The following EIF2AK1 variants were observed in gnomAD, a reference collection of about 807,000 sequenced individuals.
EIF2AK1 encodes eukaryotic translation initiation factor 2 alpha kinase 1, also known as eukaryotic translation initiation factor 2-alpha kinase 1.
A neutral mutation model predicts 77.9 loss-of-function variants in EIF2AK1; 54 were observed. That is an observed-to-expected ratio of 0.69 (90% CI 0.56 to 0.87). The LOEUF (loss-of-function observed/expected upper bound fraction) is 0.87, where lower values mean the gene tolerates loss of function less well. Ranked by LOEUF, EIF2AK1 falls within the 40% of genes least tolerant of loss-of-function variation. The pLI is 0.00. For missense variants in EIF2AK1, 810 were observed against 768.6 expected, an observed-to-expected ratio of 1.05 and a Z score of -0.64; for synonymous variants, 314 against 290.5, an observed-to-expected ratio of 1.08 and a Z score of -0.82.
intron 4 of EIF2AK1, chr7:6,047,672 CA>C (rs55810408): frequency 0.61 from 88,724 of 144,562 alleles, 26,779 homozygotes; most frequent in African/African-American, 0.71. Context: ...GACTCTGTCT[CA>C]AAAAAAAAAA....
In EIF2AK1 at chr7:6,024,057, TC is replaced by T; in HGVS notation, c.*615del. 7.6e-7 allele frequency: 1 copy of T among 1,308,228 alleles called. No homozygotes were observed. Among genetic ancestry groups the T allele is most frequent in the Non-Finnish European group, 1.0e-6 (1 of 1,002,220 alleles). The allele number at this position is 1,308,228 out of a possible 1,614,324, so 81.0% of individuals were successfully genotyped here. A position where few individuals can be genotyped will look rare whatever the true frequency, so the allele number is the denominator to read the frequency against. On this transcript the variant is annotated 3_prime_UTR_variant, in exon 15 of 15. Coordinates refer to ENST00000199389, the MANE Select transcript of EIF2AK1 (RefSeq NM_014413.4). Reference sequence around the variant, plus strand: ...GAAAGAGATCTGAGCTGCCTGGAGATCATCTGGGGTGCGGAGTACAAAGCTT... The same window carrying T: ...GAAAGAGATCTGAGCTGCCTGGAGATATCTGGGGTGCGGAGTACAAAGCTT...
chr7:6,044,770 T>C lies in EIF2AK1; in HGVS notation c.631-109A>G, dbSNP rs1402293374. 5.9e-6 allele frequency: 5 copies of C among 846,944 alleles called. No individual in the cohort carries two copies. In the African/African-American group the frequency reaches 6.8e-5, roughly 12 times the overall value. 52.5% of individuals were successfully genotyped at this position (846,944 alleles called of 1,614,324 possible). ...ACAGATGGCCCCTGACTTACAATGG[T>C]ATGAAGACATCACAATTTTTGACAT... On this transcript the variant is annotated intron_variant, in intron 6 of 14. Coordinates refer to ENST00000199389, the MANE Select transcript of EIF2AK1 (RefSeq NM_014413.4).
At chr7:6,049,721 GC>G in intron 3 of EIF2AK1, 190 bp downstream of exon 3, 1 of 497,384 alleles carries the variant, frequency 2.0e-6, no homozygotes. Flanking sequence ...TGAACTCCTG[GC>G]CTCAAATGAT....
intron 7 of EIF2AK1, among the ~76,000 whole-genome samples, chr7:6,044,122 A>G (rs188770397): frequency 2.0e-5 from 3 of 152,026 alleles, no homozygotes; most frequent in African/African-American, 7.2e-5. Flanking sequence ...GAAAAAAATA[A>G]TTTCACATAA....
At chr7:6,045,177 G>A (rs2128890177) in intron 6 of EIF2AK1, among the ~76,000 whole-genome samples, 1 of 150,118 alleles carries the variant, frequency 6.7e-6, no homozygotes, top group South Asian at 2.1e-4. Flanking sequence ...ATGCCATCTT[G>A]GCTCACTGCA....
At chr7:6,055,973 ACT>A (rs1277832808) in intron 1 of EIF2AK1, among the ~76,000 whole-genome samples, 1 of 104,980 alleles carries the variant, frequency 9.5e-6, no homozygotes, top group Non-Finnish European at 1.8e-5. Flanking sequence ...ACAAAGTGAA[ACT>A]CTGTCTCAAA....
chr7:6,032,057 T>A lies in EIF2AK1; in HGVS notation c.1333-3025A>T, dbSNP rs910286119. Among the ~76,000 whole-genome samples, 3 of 151,974 alleles carry A rather than the reference T, an allele frequency of 2.0e-5. No homozygotes were observed. Among genetic ancestry groups the A allele is most frequent in the African/African-American group, 7.3e-5 (3 of 41,378 alleles). Reference sequence around the variant, plus strand: ...GGCTTGGTGGCAGGAGCCTGTAATCTCAGCTACTCGGACGGCTGAGGCAGG... The same window carrying A: ...GGCTTGGTGGCAGGAGCCTGTAATCACAGCTACTCGGACGGCTGAGGCAGG... On this transcript the variant is annotated intron_variant, in intron 11 of 14. Coordinates refer to ENST00000199389, the MANE Select transcript of EIF2AK1 (RefSeq NM_014413.4). This position sits in a 1 kb window ranked among gnomAD's most constrained non-coding sequence, Gnocchi z 4.3.
At position 6,034,875 on chromosome 7, in the gene EIF2AK1, C is replaced by T. The variant is rs143038214; in HGVS notation, c.1332+2549G>A. 4.0e-3 allele frequency among the ~76,000 whole-genome samples: 610 copies of T among 152,280 alleles called. 12 individuals carry two copies. The highest frequency in any genetic ancestry group is 0.015 in the East Asian group (76 of 5,176). On this transcript the variant is annotated intron_variant, in intron 11 of 14. Coordinates refer to ENST00000199389, the MANE Select transcript of EIF2AK1 (RefSeq NM_014413.4). Reference sequence around the variant, plus strand: ...GACCACAGGTCTTCAGATTCAACCCCTGTCACTTCTGCTCCCTACACACTC... The same window carrying T: ...GACCACAGGTCTTCAGATTCAACCCTTGTCACTTCTGCTCCCTACACACTC...
chr7:6,023,496 C>A lies in EIF2AK1; in HGVS notation c.*1177G>T. 6.2e-7 allele frequency: 1 copy of A among 1,614,180 alleles called. No homozygotes were observed. The highest frequency in any genetic ancestry group is 8.5e-7 in the Non-Finnish European group (1 of 1,180,004). On this transcript the variant is annotated 3_prime_UTR_variant, in exon 15 of 15. Coordinates refer to ENST00000199389, the MANE Select transcript of EIF2AK1 (RefSeq NM_014413.4). ...GCAGTAAAGAAAAAGCCGCTGTTTTCCGCTCCATGAACTCTGCTCTTGGGA... is the reference window on the plus strand; with the variant it reads ...GCAGTAAAGAAAAAGCCGCTGTTTTACGCTCCATGAACTCTGCTCTTGGGA...
chr7:6,057,708 A>G (rs1583504493), intron 1 of EIF2AK1: 1 of 154,946 alleles, frequency 6.5e-6, no homozygotes, highest in African/African-American at 2.4e-5. Flanking sequence ...GCTCACTTCA[A>G]CCTCTGCCTC....
intron 7 of EIF2AK1, among the ~76,000 whole-genome samples, chr7:6,043,928 G>A (rs1244352260): frequency 2.0e-5 from 3 of 151,494 alleles, no homozygotes; most frequent in Non-Finnish European, 2.9e-5. Context: ...GTGAAACCCT[G>A]TCTGTACTAA....
At position 6,026,812 on chromosome 7, in the gene EIF2AK1, G is replaced by C. The variant is rs1787759816; in HGVS notation, c.1680C>G (p.Ile560Met). Reference sequence around the variant, plus strand: ...ATGAGTTCCTTCTCGTTAAGTGCTGGATATACTTGGCTTGCACTGGACACC... The same window carrying C: ...ATGAGTTCCTTCTCGTTAAGTGCTGCATATACTTGGCTTGCACTGGACACC... ...RKRCPVQAKY[I>M]QHLTRRNSSQ... is the part of the protein sequence containing the mutation. The change falls in exon 14 of 15, where the codon ATC (isoleucine) becomes ATG (methionine). Residue 560 changes from isoleucine (I) to methionine (M), a missense_variant. Physicochemically the swap from Ile to Met is conservative, Grantham distance 10 (BLOSUM62 1). Around this residue, in one of 3 missense-constraint regions of EIF2AK1, gnomAD observed 549 missense variants for 533.7 expected, o/e 1.03. Transcript: ENST00000199389. The C allele has an allele frequency of 1.2e-6, 2 of 1,614,042 alleles. No individual in the cohort carries two copies. The highest frequency in any genetic ancestry group is 1.1e-5 in the South Asian group (1 of 91,084).
At chr7:6,056,613 A>AAAAAAAAAAAAT in intron 1 of EIF2AK1, among the ~76,000 whole-genome samples, 2 of 43,736 alleles carry the variant, frequency 4.6e-5, no homozygotes, top group Non-Finnish European at 4.7e-5. Context: ...AAAAAAAAAA[A>AAAAAAAAAAAAT]ATATATATAT....
intron 9 of EIF2AK1, among the ~76,000 whole-genome samples, chr7:6,039,621 C>CAA (rs767158374): frequency 0.028 from 1,388 of 48,924 alleles, 60 homozygotes; most frequent in African/African-American, 0.04. Flanking sequence ...ACTCCATCTC[C>CAA]AAAAAAAAAA....
At chr7:6,047,978 C>T (rs1788494306) in intron 4 of EIF2AK1, 2 of 152,242 alleles carry the variant, frequency 1.3e-5, no homozygotes, top group South Asian at 4.1e-4. Flanking sequence ...CGTCTTGCCT[C>T]AGCCTCCCAA....
chr7:6,051,311 G>A (rs545301924), intron 2 of EIF2AK1, among the ~76,000 whole-genome samples: 87 of 137,710 alleles, frequency 6.3e-4, no homozygotes, highest in African/African-American at 2.0e-3. Context: ...TCACTCTGTC[G>A]CCCAGGCTGG....
At chr7:6,044,728 T>C in intron 6 of EIF2AK1, 67 bp from the exon 7 acceptor site, 1 of 1,395,770 alleles carries the variant, frequency 7.2e-7, no homozygotes, top group Non-Finnish European at 1.0e-6. Context: ...GCAATACTTC[T>C]TGTTCCAGAG....
chr7:6,049,597 C>A (rs1332705133), intron 3 of EIF2AK1, among the ~76,000 whole-genome samples: 1 of 150,966 alleles, frequency 6.6e-6, no homozygotes, highest in East Asian at 1.9e-4. Flanking sequence ...GATCCCAGTC[C>A]ATCTGTGGCC....
rs538970134 is a variant in EIF2AK1 at position 6,035,507 on chromosome 7, G to C, written c.1332+1917C>G. ...TGCACTGGCCAGTCACTTCCACCAC[G>C]TGGGCAAAACCAGGCAACAGAACGC... On this transcript the variant is annotated intron_variant, in intron 11 of 14. Coordinates refer to ENST00000199389, the MANE Select transcript of EIF2AK1 (RefSeq NM_014413.4). The surrounding 1 kb of genome is among the most constrained non-coding windows in gnomAD (Gnocchi z 5.5). 6.4e-7 allele frequency: 1 copy of C among 1,551,068 alleles called. No individual in the cohort carries two copies. Among genetic ancestry groups the C allele is most frequent in the Non-Finnish European group, 8.7e-7 (1 of 1,147,112 alleles).
Sources: gnomAD v4.1 joint callset for allele counts (sites outside exome capture counted in the v4.1 genomes callset) on GRCh38, gnomAD v4.1.1 for gene constraint, gnomAD v4.1.1 regional missense constraint, Gnocchi (gnomAD v3.1) non-coding constraint, MANE v1.5 for transcripts, NCBI Gene and HGNC (gene_info 2026-07-23, HGNC 2026-07-21) for gene names.